Variants in SYPL1 observed in about 807,000 individuals in gnomAD.
SYPL1 encodes the protein synaptophysin like 1, also known as synaptophysin-like protein 1.
Under a neutral mutation model 23.7 loss-of-function variants are expected in SYPL1, and 6 were observed. The observed-to-expected ratio is 0.25, with a 90% confidence interval of 0.14 to 0.50. SYPL1 has a LOEUF of 0.50. SYPL1 is among the 20% of genes least tolerant of loss of function. The probability of loss-of-function intolerance (pLI) is 0.98; values close to 1 mark genes in which losing one functional copy is unlikely to be tolerated. For synonymous variants in SYPL1, 102 were observed against 104.5 expected (o/e 0.98, Z 0.15); for missense variants, 253 against 288.9 (o/e 0.88, Z 0.90).
At chr7:106,103,605 T>A (rs1256246938) in intron 1 of SYPL1, among the ~76,000 whole-genome samples, 3 of 152,250 alleles carry the variant, frequency 2.0e-5, no homozygotes, top group Non-Finnish European at 4.4e-5. Flanking sequence ...AGATTTACTA[T>A]GAAAAAGATG....
At chr7:106,101,857 T>C (rs1049609849) in intron 1 of SYPL1, among the ~76,000 whole-genome samples, 9 of 151,640 alleles carry the variant, frequency 5.9e-5, no homozygotes, top group Admixed American at 2.0e-4. Context: ...AATAGACTAG[T>C]GTGTATAAGA....
In SYPL1 at chr7:106,091,628, T is replaced by C. The variant is rs1839733108; in HGVS notation, c.*177A>G. 1 of 572,966 alleles carries C rather than the reference T, an allele frequency of 1.7e-6. No homozygotes were observed. The highest frequency in any genetic ancestry group is 2.8e-6 in the Non-Finnish European group (1 of 358,934). The allele number at this position is 572,966 out of a possible 1,614,324, so 35.5% of individuals were successfully genotyped here. A position where few individuals can be genotyped will look rare whatever the true frequency, so the allele number is the denominator to read the frequency against. ...TCAAATTTACATGTGAGAATACATT[T>C]ACATCTTAACTTTCTAGGAAAGGCA... On this transcript the variant is annotated 3_prime_UTR_variant, in exon 5 of 5. Coordinates refer to ENST00000455385, the MANE Select transcript of SYPL1 (RefSeq NM_182715.4). This position sits in a 1 kb window ranked among gnomAD's most constrained non-coding sequence, Gnocchi z 5.0.
At chr7:106,102,492 T>A (rs1352467240) in intron 1 of SYPL1, among the ~76,000 whole-genome samples, 1 of 152,154 alleles carries the variant, frequency 6.6e-6, no homozygotes, top group Non-Finnish European at 1.5e-5. Flanking sequence ...TCAGGCAACT[T>A]TTATAAACTC....
Position 106,095,645 on chromosome 7 carries a change from C to T in SYPL1, c.402+2045G>A, listed in dbSNP as rs1000618625. On this transcript the variant is annotated intron_variant, in intron 3 of 4. Transcript: ENST00000455385. This position sits in a 1 kb window ranked among gnomAD's most constrained non-coding sequence, Gnocchi z 4.3. The stretch of plus-strand genomic sequence containing the variant: ...GGGATTACAGGCATGACCCACTGCA[C>T]CCAGTCTCTCAAAGAAAATCTTTTA... 1.3e-5 allele frequency among the ~76,000 whole-genome samples: 2 copies of T among 152,098 alleles called. No homozygotes were observed. The highest frequency in any genetic ancestry group is 4.8e-5 in the African/African-American group (2 of 41,424).
At chr7:106,099,397 C>T in intron 1 of SYPL1, 115 bp from the exon 2 acceptor site, 2 of 1,267,386 alleles carry the variant, frequency 1.6e-6, no homozygotes, top group Non-Finnish European at 2.1e-6. Context: ...GGCTAACATT[C>T]TAGAAATTCT....
Position 106,093,092 on chromosome 7 carries a change from T to G in SYPL1, c.448A>C (p.Thr150Pro), listed in dbSNP as rs1157113649. Reference sequence around the variant, plus strand: ...GTCAGAGCTTTAGCCCAGGCTGAAGTGCTCACCAACCACAAAAAAGTGGCA... The same window carrying G: ...GTCAGAGCTTTAGCCCAGGCTGAAGGGCTCACCAACCACAAAAAAGTGGCA... ...LVATFLWLVS[T>P]SAWAKALTDI... Residue 150 changes from threonine (T) to proline (P), a missense_variant, in exon 4 of 5, where the codon ACT becomes CCT. By Grantham distance (38) the Thr-to-Pro change is conservative. Coordinates refer to ENST00000455385, the MANE Select transcript of SYPL1 (RefSeq NM_182715.4). 6.2e-7 allele frequency: 1 copy of G among 1,612,460 alleles called. No individual in the cohort carries two copies. The highest frequency in any genetic ancestry group is 8.5e-7 in the Non-Finnish European group (1 of 1,179,430).
intron 1 of SYPL1, 40 bp downstream of exon 1, chr7:106,112,100 C>T (rs766547580): frequency 1.9e-5 from 27 of 1,400,926 alleles, no homozygotes; most frequent in Non-Finnish European, 2.5e-5. Context: ...GGCGCCGCGC[C>T]GAGCGGCAGG....
chr7:106,106,887 TA>T lies in SYPL1; in HGVS notation c.69+5252del, dbSNP rs1840633458. ...AAAATTTAAAAAGAGTTTGGAGCCT[TA>T]ACTTCTATTGCTAGACCATGCTAAT... is the stretch of plus-strand genomic sequence containing the variant. On this transcript the variant is annotated intron_variant, in intron 1 of 4. Transcript: ENST00000455385. 1.3e-5 allele frequency among the ~76,000 whole-genome samples: 2 copies of T among 152,208 alleles called. 1 individual carries two copies. Among genetic ancestry groups the T allele is most frequent in the South Asian group, 4.1e-4 (2 of 4,830 alleles).
chr7:106,092,237 T>C (rs1468741152), intron 4 of SYPL1, among the ~76,000 whole-genome samples: 1 of 152,194 alleles, frequency 6.6e-6, no homozygotes, highest in Non-Finnish European at 1.5e-5. Flanking sequence ...TTTAGAATGA[T>C]TATCAACTGC....
intron 1 of SYPL1, among the ~76,000 whole-genome samples, chr7:106,110,369 G>C (rs562531716): frequency 6.6e-6 from 1 of 152,280 alleles, no homozygotes; most frequent in South Asian, 2.1e-4. Flanking sequence ...CAGCTATGAA[G>C]TCCTCCCTAG....
intron 1 of SYPL1, among the ~76,000 whole-genome samples, chr7:106,106,625 G>A (rs1840619372): frequency 6.6e-6 from 1 of 151,816 alleles, no homozygotes; most frequent in Non-Finnish European, 1.5e-5. Context: ...GCAGGTGATC[G>A]TTTGAGCCCA....
upstream of SYPL1, chr7:106,112,411 A>G (rs1585947547): frequency 9.3e-7 from 1 of 1,072,054 alleles, no homozygotes. Context: ...GCGGAAACGG[A>G]GTGGGGCGGC....
intron 3 of SYPL1, among the ~76,000 whole-genome samples, chr7:106,094,434 T>C (rs1839911702): frequency 6.6e-6 from 1 of 152,232 alleles, no homozygotes. Context: ...CAAAAATAAT[T>C]ACTAATTACA....
At chr7:106,111,123 G>A (rs1790122133) in intron 1 of SYPL1, among the ~76,000 whole-genome samples, 1 of 152,178 alleles carries the variant, frequency 6.6e-6, no homozygotes, top group African/African-American at 2.4e-5. Flanking sequence ...CGGTTACAAT[G>A]GTCCAAGTAG....
Position 106,097,577 on chromosome 7 carries a change from G to T in SYPL1, c.402+113C>A. 1.0e-6 allele frequency: 1 copy of T among 970,488 alleles called. No homozygotes were observed. Among genetic ancestry groups the T allele is most frequent in the Non-Finnish European group, 1.4e-6 (1 of 692,834 alleles). 60.1% of individuals were successfully genotyped at this position (970,488 alleles called of 1,614,324 possible). A position where few individuals can be genotyped will look rare whatever the true frequency, so the allele number is the denominator to read the frequency against. ...AAGCTCAACCTCGTGGCAAACACAG[G>T]CTAAAATATGCTGAACTGGCTTACA... On this transcript the variant is annotated intron_variant, in intron 3 of 4. Transcript: ENST00000455385. The surrounding 1 kb of genome is among the most constrained non-coding windows in gnomAD (Gnocchi z 4.6).
chr7:106,112,225 G>A lies in SYPL1; in HGVS notation c.-17C>T, dbSNP rs1790201324. The A allele has an allele frequency of 3.9e-6, 6 of 1,534,242 alleles. No individual in the cohort carries two copies. The highest frequency in any genetic ancestry group is 5.3e-6 in the Non-Finnish European group (6 of 1,132,234). ...GCCGGACATCCTCTGAGGAAAGGAG[G>A]GAGAGAGAGTCAGGACGACGGGGCG... On this transcript the variant is annotated 5_prime_UTR_variant, in exon 1 of 5. Coordinates refer to ENST00000455385, the MANE Select transcript of SYPL1 (RefSeq NM_182715.4).
At chr7:106,112,007 C>T (rs1790181842) in intron 1 of SYPL1, 133 bp downstream of exon 1, 3 of 1,095,420 alleles carry the variant, frequency 2.7e-6, no homozygotes, top group Non-Finnish European at 3.4e-6. Flanking sequence ...CCCTGCCGTC[C>T]ACTCCCAGTC....
chr7:106,107,067 A>G (rs1370410557), intron 1 of SYPL1, among the ~76,000 whole-genome samples: 1 of 152,184 alleles, frequency 6.6e-6, no homozygotes, highest in Non-Finnish European at 1.5e-5. Flanking sequence ...AGTTTATCAA[A>G]GTGATAACTG....
intron 3 of SYPL1, among the ~76,000 whole-genome samples, chr7:106,094,758 A>C (rs1312397612): frequency 6.6e-6 from 1 of 152,192 alleles, no homozygotes; most frequent in Middle Eastern, 3.2e-3. Context: ...CCTAATTTTC[A>C]GGTATTTTCT....
Sources: gnomAD v4.1 joint callset for allele counts (sites outside exome capture counted in the v4.1 genomes callset) on GRCh38, gnomAD v4.1.1 for gene constraint, Gnocchi (gnomAD v3.1) non-coding constraint, MANE v1.5 for transcripts, NCBI Gene and HGNC (gene_info 2026-07-23, HGNC 2026-07-21) for gene names.